The following FUT9 variants were observed in gnomAD, a reference collection of about 807,000 sequenced individuals.
FUT9 encodes fucosyltransferase 9.
FUT9 carries 15 observed loss-of-function variants against 29.7 expected under a neutral mutation model. The ratio of observed to expected loss-of-function variants is 0.51; its 90% CI spans 0.34 to 0.78. The LOEUF (loss-of-function observed/expected upper bound fraction) is 0.78. FUT9 is among the 30% of genes least tolerant of loss of function. The pLI is 0.01. For synonymous variants in FUT9, 169 were observed against 153.7 expected (o/e 1.10, Z -0.74); for missense variants, 319 against 425.4 (o/e 0.75, Z 2.20).
At chr6:96,115,307 T>C (rs776002283) in intron 2 of FUT9, among the ~76,000 whole-genome samples, 4 of 152,228 alleles carry the variant, frequency 2.6e-5, no homozygotes, top group Non-Finnish European at 2.9e-5. Context: ...TTTTAACATA[T>C]GACTAATGTA....
intron 1 of FUT9, among the ~76,000 whole-genome samples, chr6:96,031,648 A>G (rs1770264469): frequency 6.6e-6 from 1 of 151,542 alleles, no homozygotes; most frequent in African/African-American, 2.4e-5. Context: ...TTTATAAGGA[A>G]GTATACCTTT....
intron 2 of FUT9, among the ~76,000 whole-genome samples, chr6:96,120,265 C>CTTTTTTT (rs1771997479): frequency 8.6e-6 from 1 of 116,162 alleles, no homozygotes; most frequent in Non-Finnish European, 1.8e-5. Flanking sequence ...TTTCTTTTTT[C>CTTTTTTT]TTTCTTTTTT....
At chr6:96,133,204 T>C (rs1038254089) in intron 2 of FUT9, among the ~76,000 whole-genome samples, 9 of 151,914 alleles carry the variant, frequency 5.9e-5, no homozygotes, top group African/African-American at 2.2e-4. Flanking sequence ...TGGGTAATAA[T>C]ATAAAATGTA....
chr6:96,036,435 G>A (rs931918281), intron 1 of FUT9, among the ~76,000 whole-genome samples: 1 of 151,728 alleles, frequency 6.6e-6, no homozygotes, highest in Non-Finnish European at 1.5e-5. Flanking sequence ...AATCGTGATG[G>A]TGCAGATGAT....
At chr6:96,159,276 G>GA (rs546802965) in intron 2 of FUT9, among the ~76,000 whole-genome samples, 2 of 151,948 alleles carry the variant, frequency 1.3e-5, no homozygotes, top group Admixed American at 6.6e-5. Context: ...AATCAACAGA[G>GA]AAAAAAATGT....
At chr6:96,035,665 T>TATA (rs1770340856) in intron 1 of FUT9, among the ~76,000 whole-genome samples, 1 of 102,012 alleles carries the variant, frequency 9.8e-6, no homozygotes. Flanking sequence ...AATATAATAT[T>TATA]ATATTAAAAT....
At chr6:96,120,269 C>CTTTTTTTTTTTTTT (rs11347804) in intron 2 of FUT9, among the ~76,000 whole-genome samples, 46 of 91,472 alleles carry the variant, frequency 5.0e-4, no homozygotes, top group East Asian at 1.6e-3. Flanking sequence ...TTTTTTCTTT[C>CTTTTTTTTTTTTTT]TTTTTTTTTT....
At chr6:96,157,813 C>G (rs1332093185) in intron 2 of FUT9, among the ~76,000 whole-genome samples, 1 of 152,048 alleles carries the variant, frequency 6.6e-6, no homozygotes, top group Admixed American at 6.5e-5. Context: ...ATTTTTTTCT[C>G]TGTTGATTCA....
At chr6:96,104,814 G>A (rs1771648098) in intron 1 of FUT9, among the ~76,000 whole-genome samples, 1 of 152,198 alleles carries the variant, frequency 6.6e-6, no homozygotes, top group African/African-American at 2.4e-5. Flanking sequence ...ACAGGCATGA[G>A]CCACCGCGCC....
Position 96,204,371 on chromosome 6 carries a change from T to A in FUT9, c.*136T>A. 1.8e-6 allele frequency: 1 copy of A among 560,564 alleles called. No individual in the cohort carries two copies. The highest frequency in any genetic ancestry group is 2.9e-6 in the Non-Finnish European group (1 of 346,188). 34.7% of individuals were successfully genotyped at this position (560,564 alleles called of 1,614,324 possible). ...ACCCTCTCTAGGGTAACGTGTATAT[T>A]TTGGTGGAGATTTTTAAAAGCTCAG... On this transcript the variant is annotated 3_prime_UTR_variant, in exon 3 of 3. Transcript: ENST00000302103.
chr6:96,148,980 C>T (rs908363198), intron 2 of FUT9, among the ~76,000 whole-genome samples: 1 of 151,994 alleles, frequency 6.6e-6, no homozygotes, highest in East Asian at 1.9e-4. Context: ...TATGGTGAAA[C>T]CTTGTCTCTA....
At position 96,211,827 on chromosome 6, in the gene FUT9, A is replaced by G. The variant is rs1333628906; in HGVS notation, c.*7592A>G. On this transcript the variant is annotated 3_prime_UTR_variant, in exon 3 of 3. Transcript: ENST00000302103. ...TTCTAATTGTGTTCCTTTAAAGAGT[A>G]TTAGAAATGTCTGTTATGTCAGTAA... The G allele has an allele frequency of 3.0e-6, 1 of 337,770 alleles. No homozygotes were observed. Among genetic ancestry groups the G allele is most frequent in the Non-Finnish European group, 5.5e-6 (1 of 180,242 alleles). The allele number at this position is 337,770 out of a possible 1,614,324, so 20.9% of individuals were successfully genotyped here. A position where few individuals can be genotyped will look rare whatever the true frequency, so the allele number is the denominator to read the frequency against.
chr6:96,048,396 A>G (rs140165364), intron 1 of FUT9, among the ~76,000 whole-genome samples: 1 of 152,320 alleles, frequency 6.6e-6, no homozygotes, highest in African/African-American at 2.4e-5. Context: ...AATGAGCAGT[A>G]ACATTGGAAA....
chr6:96,051,291 G>A (rs1009664528), intron 1 of FUT9, among the ~76,000 whole-genome samples: 14 of 151,956 alleles, frequency 9.2e-5, no homozygotes, highest in East Asian at 3.9e-4. Flanking sequence ...AGTAATAAAG[G>A]ATTTTTAAAA....
At chr6:96,052,357 T>G (rs1015836247) in intron 1 of FUT9, among the ~76,000 whole-genome samples, 1 of 152,190 alleles carries the variant, frequency 6.6e-6, no homozygotes, top group African/African-American at 2.4e-5. Flanking sequence ...TAAAAAGAAC[T>G]GAAATGTCTG....
chr6:96,030,834 C>A (rs1770248423), intron 1 of FUT9, among the ~76,000 whole-genome samples: 1 of 151,360 alleles, frequency 6.6e-6, no homozygotes, highest in East Asian at 1.9e-4. Flanking sequence ...AAAATACACT[C>A]AAAAGGCTAC....
intron 2 of FUT9, among the ~76,000 whole-genome samples, chr6:96,149,865 CTT>C (rs1234658658): frequency 1.3e-5 from 2 of 152,068 alleles, no homozygotes; most frequent in South Asian, 2.1e-4. Context: ...CAATTCCACT[CTT>C]TTAGTTATTT....
At chr6:96,123,553 T>C (rs1055414277) in intron 2 of FUT9, among the ~76,000 whole-genome samples, 1 of 152,186 alleles carries the variant, frequency 6.6e-6, no homozygotes, top group African/African-American at 2.4e-5. Context: ...GTGAGTCTTT[T>C]TCTGATTAAC....
At chr6:96,107,355 T>C (rs922507410) in intron 1 of FUT9, among the ~76,000 whole-genome samples, 3 of 152,204 alleles carry the variant, frequency 2.0e-5, no homozygotes, top group African/African-American at 7.2e-5. Context: ...TCTTTAAAAA[T>C]ATATGTACAT....
Sources: allele counts gnomAD v4.1 joint callset (sites outside exome capture counted in the v4.1 genomes callset), GRCh38; gene constraint gnomAD v4.1.1; transcripts MANE v1.5; gene names NCBI Gene and HGNC (gene_info 2026-07-23, HGNC 2026-07-21).